Variants in TPRG1 observed in about 807,000 individuals in gnomAD.
TPRG1 encodes tumor protein p63-regulated gene 1 protein.
TPRG1 carries 29 observed loss-of-function variants against 29.3 expected under a neutral mutation model. The observed-to-expected ratio is 0.99, with a 90% CI of 0.74 to 1.35. The LOEUF (loss-of-function observed/expected upper bound fraction) is 1.35, where lower values mean the gene tolerates loss of function less well. Ranked by LOEUF, TPRG1 falls within the 40% of genes most tolerant of loss-of-function variation. The pLI is 0.00. For missense variants in TPRG1, 327 were observed against 335.0 expected (o/e 0.98, Z 0.19); for synonymous variants, 130 against 116.8 (o/e 1.11, Z -0.73).
chr3:189,279,680 C>T (rs1716769723), intron 4 of TPRG1, among the ~76,000 whole-genome samples: 2 of 151,968 alleles, frequency 1.3e-5, no homozygotes, highest in African/African-American at 4.8e-5. Context: ...GTATGAAAAA[C>T]CTCACTGAAT....
At chr3:189,261,804 A>C (rs985058571) in intron 4 of TPRG1, among the ~76,000 whole-genome samples, 6 of 152,206 alleles carry the variant, frequency 3.9e-5, no homozygotes, top group Admixed American at 3.9e-4. Context: ...GGATGAGCCA[A>C]ACTTGGACAG....
At chr3:189,055,440 A>T (rs1236274179) in intron 4 of TPRG1, among the ~76,000 whole-genome samples, 1 of 152,184 alleles carries the variant, frequency 6.6e-6, no homozygotes, top group Non-Finnish European at 1.5e-5. Flanking sequence ...GCAAGGGCCC[A>T]CTCAGGCTCT....
At chr3:189,269,234 T>G (rs1258887169) in intron 4 of TPRG1, among the ~76,000 whole-genome samples, 1 of 152,140 alleles carries the variant, frequency 6.6e-6, no homozygotes, top group African/African-American at 2.4e-5. Flanking sequence ...GGTACTCCAG[T>G]AAAAATCCAT....
chr3:189,310,358 A>G, intron 4 of TPRG1, 28 bp from the exon 5 acceptor site: 1 of 1,538,738 alleles, frequency 6.5e-7, no homozygotes, highest in East Asian at 2.3e-5. Flanking sequence ...GGAAATGACT[A>G]ATCTAATGGA....
At chr3:189,202,024 C>A (rs1335935909) in intron 1 of TPRG1, among the ~76,000 whole-genome samples, 1 of 152,144 alleles carries the variant, frequency 6.6e-6, no homozygotes, top group Non-Finnish European at 1.5e-5. Context: ...GCCTCCGACT[C>A]ATGTTCTGGC....
intron 5 of TPRG1, among the ~76,000 whole-genome samples, chr3:189,162,194 C>A (rs998393053): frequency 4.6e-5 from 7 of 152,178 alleles, no homozygotes; most frequent in African/African-American, 1.7e-4. Context: ...GAGGGTTTCA[C>A]CATCTTGGCA....
chr3:189,050,234 T>TA (rs1274836342), intron 4 of TPRG1, among the ~76,000 whole-genome samples: 1 of 151,586 alleles, frequency 6.6e-6, no homozygotes, highest in Non-Finnish European at 1.5e-5. Flanking sequence ...ATAACCTCAC[T>TA]AAGAAACAAA....
chr3:189,068,637 G>T (rs1050244182), intron 4 of TPRG1, among the ~76,000 whole-genome samples: 1 of 152,154 alleles, frequency 6.6e-6, no homozygotes, highest in Non-Finnish European at 1.5e-5. Context: ...TTAGCCAGGC[G>T]TGGTGGCGGT....
chr3:189,135,154 C>T (rs913452010), intron 3 of TPRG1, among the ~76,000 whole-genome samples: 1 of 150,874 alleles, frequency 6.6e-6, no homozygotes, highest in Non-Finnish European at 1.5e-5. Flanking sequence ...GAGACTTGGC[C>T]ATCTACACTC....
At chr3:189,130,224 A>G (rs956083376) in intron 2 of TPRG1, among the ~76,000 whole-genome samples, 1 of 152,232 alleles carries the variant, frequency 6.6e-6, no homozygotes, top group African/African-American at 2.4e-5. Flanking sequence ...GGTTATAAGC[A>G]CCATGAGATC....
At chr3:189,136,378 A>C (rs1723748445) in intron 3 of TPRG1, among the ~76,000 whole-genome samples, 1 of 152,196 alleles carries the variant, frequency 6.6e-6, no homozygotes, top group Admixed American at 6.5e-5. Flanking sequence ...GAGACTGCTC[A>C]GGGAGGAGAG....
At chr3:189,058,296 C>T (rs527942055) in intron 4 of TPRG1, among the ~76,000 whole-genome samples, 2 of 152,154 alleles carry the variant, frequency 1.3e-5, no homozygotes, top group African/African-American at 4.8e-5. Flanking sequence ...CAAAGCTTTG[C>T]TCTCCTTAAA....
chr3:189,019,866 C>G (rs1204646826), intron 3 of TPRG1, among the ~76,000 whole-genome samples: 4 of 150,268 alleles, frequency 2.7e-5, no homozygotes, highest in Non-Finnish European at 5.9e-5. Context: ...TGGTCCTGGA[C>G]TCTTTTTGGT....
chr3:189,095,784 C>T (rs73053429), upstream of TPRG1, among the ~76,000 whole-genome samples: 3,881 of 152,290 alleles, frequency 0.025, 149 homozygotes, highest in African/African-American at 0.078. Flanking sequence ...AGTGATGAAC[C>T]TCACAGCTTA....
At chr3:189,200,043 G>A (rs374263901) in intron 1 of TPRG1, among the ~76,000 whole-genome samples, 5 of 152,156 alleles carry the variant, frequency 3.3e-5, no homozygotes, top group South Asian at 2.1e-4. Flanking sequence ...CTGAGGGGAC[G>A]GCAAAAGAGT....
At chr3:189,133,762 G>T (rs963127541) in intron 3 of TPRG1, among the ~76,000 whole-genome samples, 1 of 152,140 alleles carries the variant, frequency 6.6e-6, no homozygotes, top group Non-Finnish European at 1.5e-5. Context: ...TCCATCTCGA[G>T]CTAGACAAGA....
At chr3:189,001,044 T>C (rs1711995535) in intron 2 of TPRG1, 1 of 152,142 alleles carries the variant, frequency 6.6e-6, no homozygotes, top group Non-Finnish European at 1.5e-5. Flanking sequence ...TCATTTAATA[T>C]GTTATGTGTA....
Position 189,041,302 on chromosome 3 carries a change from T to A in TPRG1, c.-463+17356T>A, listed in dbSNP as rs551908521. On this transcript the variant is annotated intron_variant, in intron 4 of 10. Coordinates refer to the TPRG1 transcript ENST00000433971. ...CTTAAACTCACCTCTAGGTCCCAAA[T>A]GATAAACTAAAAGCTGCTTGAGTTA... 5.3e-5 allele frequency among the ~76,000 whole-genome samples: 8 copies of A among 152,282 alleles called. 1 individual carries two copies. The South Asian group carries it at 1.0e-3, about 20-fold the overall frequency.
At chr3:189,136,420 C>T (rs1229647516) in intron 3 of TPRG1, among the ~76,000 whole-genome samples, 1 of 152,142 alleles carries the variant, frequency 6.6e-6, no homozygotes, top group Non-Finnish European at 1.5e-5. Context: ...TAGGGAACAT[C>T]CCTGAAGCTG....
Sources: allele counts gnomAD v4.1 joint callset (sites outside exome capture counted in the v4.1 genomes callset), GRCh38; gene constraint gnomAD v4.1.1; transcripts MANE v1.5; gene names NCBI Gene and HGNC (gene_info 2026-07-23, HGNC 2026-07-21).